Variants in STAG1 observed in about 807,000 individuals in gnomAD.
STAG1 encodes the protein STAG1 cohesin complex component.
STAG1 carries 26 observed loss-of-function variants against 170.9 expected under a neutral mutation model. The observed-to-expected ratio is 0.15, with a 90% CI of 0.11 to 0.21. The LOEUF (loss-of-function observed/expected upper bound fraction) is 0.21, where lower values mean the gene tolerates loss of function less well. STAG1 is among the 10% of genes least tolerant of loss of function. STAG1 has a pLI of 1.00. For missense variants in STAG1, 964 were observed against 1,509.5 expected, an observed-to-expected ratio of 0.64 and a Z score of 5.99; for synonymous variants, 514 against 497.7, an observed-to-expected ratio of 1.03 and a Z score of -0.44.
chr3:136,626,114 G>A (rs1940081517), intron 2 of STAG1, among the ~76,000 whole-genome samples: 1 of 150,856 alleles, frequency 6.6e-6, no homozygotes, highest in African/African-American at 2.4e-5. Context: ...ATGATGTCCA[G>A]GGTCAGCAAG....
intron 5 of STAG1, among the ~76,000 whole-genome samples, chr3:136,561,861 T>G (rs1239252181): frequency 1.3e-5 from 2 of 152,026 alleles, no homozygotes; most frequent in African/African-American, 4.8e-5. Context: ...AATTTTAGAT[T>G]TACAGAAAAG....
chr3:136,484,405 A>G (rs371519921), intron 9 of STAG1, among the ~76,000 whole-genome samples: 9 of 148,564 alleles, frequency 6.1e-5, no homozygotes, highest in South Asian at 2.2e-4. Context: ...TCAGGGGTCA[A>G]GGACCCAATT....
chr3:136,743,032 T>G (rs938800130), intron 1 of STAG1, among the ~76,000 whole-genome samples: 6 of 152,074 alleles, frequency 3.9e-5, no homozygotes, highest in African/African-American at 9.7e-5. Flanking sequence ...AGTTGGTTAT[T>G]TGAAAAAATA....
At position 136,398,579 on chromosome 3, in the gene STAG1, A is replaced by G. The variant is rs1452814283; in HGVS notation, c.2277+170T>C. ...AGATTTTGGCTCTTCCCAAAGAGGT[A>G]AATGTATACTTACTCATAAGATAAA... is the stretch of plus-strand genomic sequence containing the variant. On this transcript the variant is annotated intron_variant, in intron 22 of 33. Transcript: ENST00000383202. 1.4e-4 allele frequency among the ~76,000 whole-genome samples: 22 copies of G among 152,250 alleles called. 1 individual carries two copies. Among genetic ancestry groups the G allele is most frequent in the Admixed American group, 1.4e-3 (21 of 15,292 alleles).
At chr3:136,463,612 T>C (rs894103752) in intron 13 of STAG1, among the ~76,000 whole-genome samples, 2 of 151,346 alleles carry the variant, frequency 1.3e-5, no homozygotes, top group Non-Finnish European at 2.9e-5. Context: ...GTACAGTGGC[T>C]CATGCCTGTA....
In STAG1 at chr3:136,536,703, CAAAAAAAAAAA is replaced by C. The variant is rs11321017; in HGVS notation, c.471+5405_471+5415del. Among the ~76,000 whole-genome samples, 4 of 70,962 alleles carry C rather than the reference CAAAAAAAAAAA, an allele frequency of 5.6e-5. 1 individual carries two copies. Among genetic ancestry groups the C allele is most frequent in the Admixed American group, 1.6e-4 (1 of 6,120 alleles). The allele number at this position is 70,962 out of a possible 152,430, so 46.6% of individuals were successfully genotyped here. A position where few individuals can be genotyped will look rare whatever the true frequency, so the allele number is the denominator to read the frequency against. On this transcript the variant is annotated intron_variant, in intron 6 of 33. Transcript: ENST00000383202. The stretch of plus-strand genomic sequence containing the variant: ...GGGTGACAGAGCAAGACTCAGTCTC[CAAAAAAAAAAA>C]AAAAAAAAAAAACTACGGCTGTAGG...
chr3:136,521,126 A>T (rs1934649680), intron 7 of STAG1, 87 bp downstream of exon 7: 3 of 1,096,030 alleles, frequency 2.7e-6, no homozygotes, highest in South Asian at 1.6e-5. Flanking sequence ...TTAAATTTTT[A>T]ATTAAATCTT....
rs151295700 is a variant in STAG1 at position 136,559,481 on chromosome 3, G to T, written c.394+9284C>A. Among the ~76,000 whole-genome samples, 507 of 152,250 alleles carry T rather than the reference G, an allele frequency of 3.3e-3. 8 individuals carry two copies. In the East Asian group the frequency reaches 0.048, roughly 14 times the overall value. On this transcript the variant is annotated intron_variant, in intron 5 of 33. Transcript: ENST00000383202. ...TAATTAAGCTCCTTGAGAAACTGCAGTCAGAGTAGGCCATGCCCTTCAAAA... is the reference window on the plus strand; with the variant it reads ...TAATTAAGCTCCTTGAGAAACTGCATTCAGAGTAGGCCATGCCCTTCAAAA...
chr3:136,547,200 T>C (rs996830797), intron 5 of STAG1, among the ~76,000 whole-genome samples: 2 of 152,188 alleles, frequency 1.3e-5, no homozygotes, highest in South Asian at 2.1e-4. Context: ...AGAGATCCCA[T>C]ACACATCAGA....
chr3:136,531,287 T>C (rs1239972878), intron 6 of STAG1, among the ~76,000 whole-genome samples: 7 of 148,996 alleles, frequency 4.7e-5, no homozygotes, highest in African/African-American at 1.2e-4. Context: ...TGTGGAGAAA[T>C]AGGAACACTT....
intron 1 of STAG1, among the ~76,000 whole-genome samples, chr3:136,715,075 G>A (rs1428623823): frequency 3.5e-5 from 5 of 144,114 alleles, no homozygotes; most frequent in East Asian, 2.1e-4. Context: ...GGAGGGTACC[G>A]TATGAAATAC....
Position 136,718,390 on chromosome 3 carries a change from C to T in STAG1, c.-84+33805G>A, listed in dbSNP as rs994803225. Among the ~76,000 whole-genome samples, 4 of 152,096 alleles carry T rather than the reference C, an allele frequency of 2.6e-5. No individual in the cohort carries two copies. The East Asian group carries it at 7.7e-4, about 29-fold the overall frequency. On this transcript the variant is annotated intron_variant, in intron 1 of 33. Coordinates refer to ENST00000383202, the MANE Select transcript of STAG1 (RefSeq NM_005862.3). ...AAAGTTTTTTTAATAATTAATAATA[C>T]ATTTTTACACTGTTCTAAGGAGTGT...
At chr3:136,624,017 A>G (rs2107831937) in intron 2 of STAG1, among the ~76,000 whole-genome samples, 1 of 152,270 alleles carries the variant, frequency 6.6e-6, no homozygotes, top group Admixed American at 6.5e-5. Flanking sequence ...CAATAATAAA[A>G]CACAAAACAC....
At chr3:136,426,225 G>C (rs1422393527) in intron 16 of STAG1, among the ~76,000 whole-genome samples, 2 of 151,904 alleles carry the variant, frequency 1.3e-5, no homozygotes, top group African/African-American at 4.8e-5. Flanking sequence ...GGCTAACACA[G>C]TGAAACCCCG....
chr3:136,673,766 A>C (rs551707558), intron 1 of STAG1, among the ~76,000 whole-genome samples: 11 of 152,300 alleles, frequency 7.2e-5, no homozygotes, highest in Non-Finnish European at 1.3e-4. Context: ...AATGTGGAAC[A>C]ATCTGAACAT....
intron 5 of STAG1, among the ~76,000 whole-genome samples, chr3:136,568,074 A>G (rs1937147066): frequency 6.6e-6 from 1 of 152,060 alleles, no homozygotes; most frequent in Admixed American, 6.6e-5. Flanking sequence ...ATGGTAAGTG[A>G]TAACTTGTAC....
At chr3:136,736,458 C>T (rs886828949) in intron 1 of STAG1, 1 of 1,241,566 alleles carries the variant, frequency 8.1e-7, no homozygotes, top group East Asian at 2.3e-5. Context: ...AGGGAGATAG[C>T]AGGGGGAAGG....
intron 1 of STAG1, among the ~76,000 whole-genome samples, chr3:136,749,651 C>A (rs2107960855): frequency 6.6e-6 from 1 of 151,122 alleles, no homozygotes; most frequent in East Asian, 1.9e-4. Flanking sequence ...GAGGCTGAGG[C>A]AGGAGAATCG....
chr3:136,566,143 C>G lies in STAG1; in HGVS notation c.394+2622G>C, dbSNP rs191468619. On this transcript the variant is annotated intron_variant, in intron 5 of 33. Coordinates refer to ENST00000383202, the MANE Select transcript of STAG1 (RefSeq NM_005862.3). ...AATGGATTGAATGTTTGTGTCCTCC[C>G]AAAATTCCTATATTAAAATCCTAAC... Among the ~76,000 whole-genome samples the G allele has an allele frequency of 5.3e-5, 8 of 152,062 alleles. No homozygotes were observed. In the South Asian group the frequency reaches 1.7e-3, roughly 32 times the overall value.
Sources: allele counts gnomAD v4.1 joint callset (sites outside exome capture counted in the v4.1 genomes callset), GRCh38; gene constraint gnomAD v4.1.1; transcripts MANE v1.5; gene names NCBI Gene and HGNC (gene_info 2026-07-23, HGNC 2026-07-21).